RPA1: variants seen among roughly 807,000 people sequenced by gnomAD.
RPA1 encodes the protein replication protein A 70 kDa DNA-binding subunit.
In RPA1, 49 loss-of-function variants were observed where a neutral mutation model predicts 83.0. That is an observed-to-expected ratio of 0.59 (90% CI 0.47 to 0.75). The LOEUF (loss-of-function observed/expected upper bound fraction) is 0.75. Ranked by LOEUF, RPA1 falls within the 30% of genes least tolerant of loss-of-function variation. The probability of loss-of-function intolerance (pLI) is 0.00; values close to 1 mark genes in which losing one functional copy is unlikely to be tolerated. For synonymous variants in RPA1, 279 were observed against 281.8 expected (o/e 0.99, Z 0.10); for missense variants, 693 against 776.1 (o/e 0.89, Z 1.27).
At chr17:1,855,352 TG>T (rs1567809422) in intron 5 of RPA1, among the ~76,000 whole-genome samples, 45 of 149,024 alleles carry the variant, frequency 3.0e-4, no homozygotes, top group South Asian at 2.5e-3. Context: ...TGTGTGTGTG[TG>T]TGTGTGTGTG....
chr17:1,835,594 A>G (rs922987957), intron 1 of RPA1, among the ~76,000 whole-genome samples: 13 of 152,146 alleles, frequency 8.5e-5, no homozygotes, highest in Admixed American at 2.6e-4. Context: ...TGTTGTTTCC[A>G]TTTTAGCAGA....
intron 4 of RPA1, among the ~76,000 whole-genome samples, chr17:1,847,742 C>T (rs2038874201): frequency 6.6e-6 from 1 of 152,104 alleles, no homozygotes; most frequent in South Asian, 2.1e-4. Context: ...ATCTATTGGC[C>T]AGGCACAGTG....
At position 1,884,249 on chromosome 17, in the gene RPA1, G is replaced by A. The variant is rs997524893; in HGVS notation, c.1374+305G>A. Among the ~76,000 whole-genome samples the A allele has an allele frequency of 3.3e-5, 5 of 152,078 alleles. No homozygotes were observed. The highest frequency in any genetic ancestry group is 1.9e-4 in the East Asian group (1 of 5,192). ...TTGTGGTATAATATCACCTGCTTTC[G>A]GGTCCACGTTTCTTTCCTGTGATCC... is the stretch of plus-strand genomic sequence containing the variant. On this transcript the variant is annotated intron_variant, in intron 13 of 16. Transcript: ENST00000254719. This position sits in a 1 kb window ranked among gnomAD's most constrained non-coding sequence, Gnocchi z 4.1.
chr17:1,892,799 T>G (rs1383086252), intron 15 of RPA1, among the ~76,000 whole-genome samples: 2 of 152,270 alleles, frequency 1.3e-5, no homozygotes, highest in Non-Finnish European at 2.9e-5. Flanking sequence ...CATTTCATTT[T>G]TATAAGTTTG....
At chr17:1,872,826 G>A (rs900443592) in intron 6 of RPA1, among the ~76,000 whole-genome samples, 3 of 150,500 alleles carry the variant, frequency 2.0e-5, no homozygotes, top group African/African-American at 2.4e-5. Context: ...TACTATGGGC[G>A]CATGCCACCA....
chr17:1,843,101 C>T (rs1379289449), intron 2 of RPA1, among the ~76,000 whole-genome samples: 1 of 151,946 alleles, frequency 6.6e-6, no homozygotes, highest in Non-Finnish European at 1.5e-5. Context: ...TCTTCCTCCC[C>T]ACTGTTGATA....
Position 1,843,990 on chromosome 17 carries a change from C to T in RPA1, c.155C>T (p.Thr52Ile). 6.2e-7 allele frequency: 1 copy of T among 1,612,296 alleles called. No individual in the cohort carries two copies. The highest frequency in any genetic ancestry group is 8.5e-7 in the Non-Finnish European group (1 of 1,178,528). ...YRLLMSDGLNTLSSFMLATQL... is the reference protein window; with the variant it reads ...YRLLMSDGLNILSSFMLATQL... Reference sequence around the variant, plus strand: ...CTGCTCATGAGTGATGGATTGAACACTCTATCCTGTGAGTATGGTGTATCC... The same window carrying T: ...CTGCTCATGAGTGATGGATTGAACATTCTATCCTGTGAGTATGGTGTATCC... Residue 52 changes from threonine (T) to isoleucine (I), a missense_variant, in exon 3 of 17, where the codon ACT (threonine) becomes ATT (isoleucine). Transcript: ENST00000254719.
At chr17:1,875,008 CCT>C (rs1162461614) in intron 6 of RPA1, among the ~76,000 whole-genome samples, 1 of 152,170 alleles carries the variant, frequency 6.6e-6, no homozygotes, top group Non-Finnish European at 1.5e-5. Context: ...CACCTGATTC[CCT>C]GTTCTTTCCC....
intron 4 of RPA1, among the ~76,000 whole-genome samples, chr17:1,850,448 A>T (rs1488946204): frequency 2.0e-5 from 3 of 151,490 alleles, no homozygotes; most frequent in Non-Finnish European, 4.4e-5. Flanking sequence ...GAGGCAAGAG[A>T]ATCACTTGAA....
At chr17:1,862,123 A>ACCTCGTGATCTGCCCGC (rs1912997101) in intron 5 of RPA1, among the ~76,000 whole-genome samples, 1 of 139,564 alleles carries the variant, frequency 7.2e-6, no homozygotes, top group African/African-American at 2.8e-5. Context: ...CCATCTCCTG[A>ACCTCGTGATCTGCCCGC]CCTCGTGATC....
intron 1 of RPA1, among the ~76,000 whole-genome samples, chr17:1,838,207 C>T (rs549700047): frequency 7.9e-5 from 12 of 151,884 alleles, no homozygotes; most frequent in East Asian, 1.9e-4. Flanking sequence ...GGGAGAATGG[C>T]GTGAACCCGG....
chr17:1,841,174 T>G (rs1311316020), intron 1 of RPA1, among the ~76,000 whole-genome samples: 1 of 152,250 alleles, frequency 6.6e-6, no homozygotes, highest in African/African-American at 2.4e-5. Context: ...CAAGTGATTA[T>G]TCCACACCAG....
intron 16 of RPA1, 42 bp from the exon 17 acceptor site, chr17:1,897,029 C>T: frequency 1.3e-6 from 2 of 1,517,798 alleles, no homozygotes; most frequent in South Asian, 2.4e-5. Flanking sequence ...CTGCTCCACA[C>T]CACACTTTCA....
chr17:1,890,541 C>T (rs1018379442), intron 14 of RPA1, among the ~76,000 whole-genome samples: 3 of 151,076 alleles, frequency 2.0e-5, no homozygotes, highest in African/African-American at 7.3e-5. Context: ...CGGGCACCTG[C>T]AGTCCCAGCT....
At chr17:1,834,760 C>T (rs1031721971) in intron 1 of RPA1, among the ~76,000 whole-genome samples, 2 of 152,204 alleles carry the variant, frequency 1.3e-5, no homozygotes, top group African/African-American at 4.8e-5. Context: ...ATTATACTCC[C>T]ATTTTACAGA....
chr17:1,869,144 T>C (rs1357398865), intron 5 of RPA1, among the ~76,000 whole-genome samples: 3 of 152,232 alleles, frequency 2.0e-5, no homozygotes, highest in Non-Finnish European at 4.4e-5. Context: ...ATTGTCTGTT[T>C]AGCGAATTTT....
intron 15 of RPA1, among the ~76,000 whole-genome samples, chr17:1,894,284 A>G (rs1470214613): frequency 6.6e-6 from 1 of 151,510 alleles, no homozygotes; most frequent in Non-Finnish European, 1.5e-5. Context: ...CTTCTGCCTC[A>G]GCCTCCCTAG....
rs570048934 is a variant in RPA1 at position 1,898,881 on chromosome 17, C to G, written c.*1706C>G. 6.6e-6 allele frequency: 1 copy of G among 152,624 alleles called. No homozygotes were observed. Among genetic ancestry groups the G allele is most frequent in the African/African-American group, 2.4e-5 (1 of 41,442 alleles). 9.5% of individuals were successfully genotyped at this position (152,624 alleles called of 1,614,324 possible). ...CGACGAGAAAATTACAGTCTTCAAC[C>G]CTCTTCTGGATTGACAAATTGTGGC... On this transcript the variant is annotated 3_prime_UTR_variant, in exon 17 of 17. Transcript: ENST00000254719.
chr17:1,866,577 G>A (rs1482365380), intron 5 of RPA1, among the ~76,000 whole-genome samples: 5 of 152,142 alleles, frequency 3.3e-5, no homozygotes, highest in African/African-American at 9.6e-5. Flanking sequence ...TCTGCCTCCC[G>A]AAGTGCTGGG....
Sources: allele counts gnomAD v4.1 joint callset (sites outside exome capture counted in the v4.1 genomes callset), GRCh38; gene constraint gnomAD v4.1.1; non-coding constraint Gnocchi (gnomAD v3.1); transcripts MANE v1.5; gene names NCBI Gene and HGNC (gene_info 2026-07-23, HGNC 2026-07-21).